PDE4D: variants seen among roughly 807,000 people sequenced by gnomAD.
PDE4D encodes phosphodiesterase 4D.
Under a neutral mutation model 87.4 loss-of-function variants are expected in PDE4D, and 24 were observed. The ratio of observed to expected loss-of-function variants is 0.27; its 90% CI spans 0.20 to 0.39. The LOEUF is 0.39. PDE4D is among the 10% of genes least tolerant of loss of function. The pLI, the probability that PDE4D is intolerant of heterozygous loss-of-function variation, is 1.00. For missense variants in PDE4D, 714 were observed against 1,041.0 expected, an observed-to-expected ratio of 0.69 and a Z score of 4.32; for synonymous variants, 384 against 383.2, an observed-to-expected ratio of 1.00 and a Z score of -0.02.
chr5:60,515,112 A>G (rs1161797404), intron 1 of PDE4D, among the ~76,000 whole-genome samples: 2 of 152,162 alleles, frequency 1.3e-5, no homozygotes, highest in Non-Finnish European at 2.9e-5. Context: ...GATGTATATG[A>G]TCACTGCAGT....
intron 2 of PDE4D, among the ~76,000 whole-genome samples, chr5:60,172,115 A>T (rs894271825): frequency 2.0e-5 from 3 of 147,086 alleles, no homozygotes; most frequent in African/African-American, 7.4e-5. Context: ...TATATATATT[A>T]TATTATATAT....
intron 1 of PDE4D, among the ~76,000 whole-genome samples, chr5:60,216,367 C>T (rs144823180): frequency 1.6e-4 from 24 of 152,174 alleles, no homozygotes; most frequent in African/African-American, 5.3e-4. Context: ...TGTGTCTGCC[C>T]AGCACCTTAT....
chr5:60,334,105 T>A (rs1757541844), intron 1 of PDE4D, among the ~76,000 whole-genome samples: 1 of 152,200 alleles, frequency 6.6e-6, no homozygotes, highest in Non-Finnish European at 1.5e-5. Flanking sequence ...CTATGTGTTT[T>A]TTCTTTCTCA....
At chr5:58,982,165 C>G (rs10461657) in intron 11 of PDE4D, among the ~76,000 whole-genome samples, 131,780 of 152,200 alleles carry the variant, frequency 0.87, 57,111 homozygotes, top group African/African-American at 0.91. Flanking sequence ...AATTATGAGT[C>G]GTAACAGTCC....
At chr5:59,966,825 T>A (rs1760105076) in intron 3 of PDE4D, among the ~76,000 whole-genome samples, 1 of 152,204 alleles carries the variant, frequency 6.6e-6, no homozygotes, top group African/African-American at 2.4e-5. Context: ...GACAAGGGTT[T>A]TAGTTAATGG....
At chr5:60,448,888 G>GGT (rs1745864380) in intron 1 of PDE4D, among the ~76,000 whole-genome samples, 1 of 152,026 alleles carries the variant, frequency 6.6e-6, no homozygotes, top group South Asian at 2.1e-4. Flanking sequence ...ATTTATTTAT[G>GGT]ATCCAAATAT....
intron 1 of PDE4D, among the ~76,000 whole-genome samples, chr5:59,520,323 C>T (rs1316628180): frequency 2.0e-5 from 3 of 152,118 alleles, no homozygotes; most frequent in Admixed American, 2.0e-4. Flanking sequence ...GTTCTCCCTG[C>T]CCCAAATTTG....
At chr5:60,245,395 A>G (rs1747646458) in intron 1 of PDE4D, among the ~76,000 whole-genome samples, 1 of 151,942 alleles carries the variant, frequency 6.6e-6, no homozygotes, top group Non-Finnish European at 1.5e-5. Flanking sequence ...AAAATTAAAA[A>G]TAGCACTACC....
chr5:60,350,334 C>G (rs1336636272), intron 1 of PDE4D, among the ~76,000 whole-genome samples: 1 of 152,270 alleles, frequency 6.6e-6, no homozygotes, highest in African/African-American at 2.4e-5. Context: ...CTTTCCTTGT[C>G]AAGATCTTTT....
At chr5:59,819,545 CT>C (rs1184936867) in intron 1 of PDE4D, among the ~76,000 whole-genome samples, 1 of 152,184 alleles carries the variant, frequency 6.6e-6, no homozygotes, top group African/African-American at 2.4e-5. Flanking sequence ...AGTTGTCCTC[CT>C]TGATTTTGGT....
intron 5 of PDE4D, chr5:59,040,163 G>T (rs1035633536): frequency 2.0e-5 from 3 of 152,312 alleles, no homozygotes; most frequent in African/African-American, 7.2e-5. Context: ...ACTTCAAGGA[G>T]GCAGGGTTGT....
chr5:59,946,816 C>G (rs956976785), intron 3 of PDE4D, among the ~76,000 whole-genome samples: 4 of 152,086 alleles, frequency 2.6e-5, no homozygotes, highest in Admixed American at 1.3e-4. Context: ...ATCATGATAC[C>G]CATCCTGAAG....
In PDE4D at chr5:60,057,059, C is replaced by T. The variant is rs552009073; in HGVS notation, c.43-68342G>A. ...TTTTTGAATTGGTTTTTAAATCCTA[C>T]ATTAAGGCAAATAAAAGTCTTGAGT... On this transcript the variant is annotated intron_variant, in intron 2 of 16. Coordinates refer to the PDE4D transcript ENST00000502484. Among the ~76,000 whole-genome samples the T allele has an allele frequency of 3.3e-5, 5 of 152,134 alleles. No individual in the cohort carries two copies. In the South Asian group the frequency reaches 8.3e-4, roughly 25 times the overall value.
chr5:59,477,926 C>A (rs1344258919), intron 1 of PDE4D, among the ~76,000 whole-genome samples: 1 of 152,028 alleles, frequency 6.6e-6, no homozygotes, highest in African/African-American at 2.4e-5. Flanking sequence ...TAATCCTAAG[C>A]AAATTAATGC....
chr5:59,122,141 C>CA (rs56284898), intron 5 of PDE4D, among the ~76,000 whole-genome samples: 126 of 71,576 alleles, frequency 1.8e-3, no homozygotes, highest in East Asian at 8.3e-3. Context: ...GACTCTATCT[C>CA]AAAAAAAAAA....
intron 2 of PDE4D, among the ~76,000 whole-genome samples, chr5:60,047,147 A>G (rs1370616596): frequency 6.6e-6 from 1 of 151,972 alleles, no homozygotes; most frequent in African/African-American, 2.4e-5. Flanking sequence ...TTTCTAGTTT[A>G]TTTGCGTAGA....
chr5:60,362,921 C>A (rs1760199553), intron 1 of PDE4D, among the ~76,000 whole-genome samples: 1 of 151,676 alleles, frequency 6.6e-6, no homozygotes, highest in Non-Finnish European at 1.5e-5. Flanking sequence ...AAGATTAATT[C>A]TGTTTACCTT....
At chr5:59,203,320 T>TA (rs1554097168) in intron 2 of PDE4D, among the ~76,000 whole-genome samples, 4 of 151,972 alleles carry the variant, frequency 2.6e-5, no homozygotes, top group African/African-American at 9.6e-5. Context: ...AGTTTTTTTT[T>TA]AATCAAAAAA....
At chr5:59,620,749 A>T (rs554416117) in intron 1 of PDE4D, among the ~76,000 whole-genome samples, 2 of 152,328 alleles carry the variant, frequency 1.3e-5, no homozygotes, top group African/African-American at 4.8e-5. Flanking sequence ...CACAGAACTC[A>T]GCTGTCTGTT....
Sources: gnomAD v4.1 joint callset for allele counts (sites outside exome capture counted in the v4.1 genomes callset) on GRCh38, gnomAD v4.1.1 for gene constraint, MANE v1.5 for transcripts, NCBI Gene and HGNC (gene_info 2026-07-23, HGNC 2026-07-21) for gene names.